The following ANKS1B variants were observed in gnomAD, a reference collection of about 807,000 sequenced individuals.
ANKS1B encodes the protein ankyrin repeat and sterile alpha motif domain containing 1B.
In ANKS1B, 36 loss-of-function variants were observed where a neutral mutation model predicts 148.3. The ratio of observed to expected loss-of-function variants is 0.24; its 90% CI spans 0.19 to 0.32. The LOEUF (loss-of-function observed/expected upper bound fraction) is 0.32. Ranked by LOEUF, ANKS1B falls within the 10% of genes least tolerant of loss-of-function variation. The pLI is 1.00. For synonymous variants in ANKS1B, 542 were observed against 560.8 expected (o/e 0.97, Z 0.47); for missense variants, 1,157 against 1,542.6 (o/e 0.75, Z 4.19).
chr12:99,178,648 T>C (rs1224039349), intron 14 of ANKS1B, among the ~76,000 whole-genome samples: 1 of 152,252 alleles, frequency 6.6e-6, no homozygotes, highest in Non-Finnish European at 1.5e-5. Flanking sequence ...TTCCCTATTG[T>C]TATTATATTT....
At chr12:99,709,556 A>G (rs926436936) in intron 8 of ANKS1B, among the ~76,000 whole-genome samples, 1 of 152,158 alleles carries the variant, frequency 6.6e-6, no homozygotes, top group African/African-American at 2.4e-5. Flanking sequence ...AGAGAGGATT[A>G]GGTAACTTTT....
At chr12:99,703,937 A>C (rs1049676802) in intron 8 of ANKS1B, among the ~76,000 whole-genome samples, 1 of 152,124 alleles carries the variant, frequency 6.6e-6, no homozygotes, top group Non-Finnish European at 1.5e-5. Flanking sequence ...TCTCTGAATA[A>C]TAGCCAGTAT....
intron 17 of ANKS1B, chr12:98,894,542 C>T (rs940257521): frequency 1.0e-6 from 1 of 981,970 alleles, no homozygotes; most frequent in Non-Finnish European, 1.2e-6. Context: ...CTTCCTCCGC[C>T]TCTGCCCCGG....
intron 9 of ANKS1B, among the ~76,000 whole-genome samples, chr12:99,519,798 TCTTC>T (rs1484074281): frequency 5.9e-5 from 9 of 152,184 alleles, no homozygotes; most frequent in African/African-American, 1.7e-4. Flanking sequence ...TGATTTAATT[TCTTC>T]CTTTTTATTT....
At chr12:98,769,665 T>G (rs1234828599) in intron 25 of ANKS1B, among the ~76,000 whole-genome samples, 2 of 152,180 alleles carry the variant, frequency 1.3e-5, no homozygotes, top group Non-Finnish European at 2.9e-5. Context: ...CACACACGTA[T>G]AGCTAATAAA....
At chr12:99,417,557 T>A (rs977002263) in intron 11 of ANKS1B, among the ~76,000 whole-genome samples, 1 of 152,176 alleles carries the variant, frequency 6.6e-6, no homozygotes, top group Non-Finnish European at 1.5e-5. Context: ...TATGCAAATA[T>A]TAGAATAATC....
At chr12:99,115,019 C>T (rs140038819) in intron 15 of ANKS1B, among the ~76,000 whole-genome samples, 21 of 152,258 alleles carry the variant, frequency 1.4e-4, no homozygotes, top group African/African-American at 2.6e-4. Context: ...CACTTACACA[C>T]GATGGGATCA....
At chr12:99,664,766 C>T (rs2098497580) in intron 8 of ANKS1B, among the ~76,000 whole-genome samples, 1 of 152,188 alleles carries the variant, frequency 6.6e-6, no homozygotes, top group South Asian at 2.1e-4. Flanking sequence ...GTAGCATATA[C>T]ACTTTATGTT....
intron 12 of ANKS1B, among the ~76,000 whole-genome samples, chr12:99,282,555 C>T (rs1367079182): frequency 6.6e-6 from 1 of 152,070 alleles, no homozygotes; most frequent in Non-Finnish European, 1.5e-5. Flanking sequence ...GCTATTATTC[C>T]CCTAATCCAG....
At chr12:98,907,724 G>T (rs1038751383) in intron 17 of ANKS1B, among the ~76,000 whole-genome samples, 3 of 152,274 alleles carry the variant, frequency 2.0e-5, no homozygotes, top group African/African-American at 7.2e-5. Flanking sequence ...TTGAATTGTA[G>T]CTCCCATAAT....
At chr12:98,864,074 G>A (rs1010680534) in intron 17 of ANKS1B, among the ~76,000 whole-genome samples, 3 of 151,678 alleles carry the variant, frequency 2.0e-5, no homozygotes, top group Admixed American at 6.6e-5. Context: ...CTTGAAGGAA[G>A]GAACTATCTA....
At chr12:99,099,713 C>T (rs1358600837) in intron 15 of ANKS1B, 3 of 152,130 alleles carry the variant, frequency 2.0e-5, no homozygotes, top group Non-Finnish European at 4.4e-5. Context: ...ATATTTTCAT[C>T]TAAAAGTAAC....
chr12:99,149,317 T>C (rs1039021243), intron 15 of ANKS1B, among the ~76,000 whole-genome samples: 4 of 152,230 alleles, frequency 2.6e-5, no homozygotes, highest in Admixed American at 2.0e-4. Flanking sequence ...AGCTCTATCA[T>C]GCGCAAATGT....
chr12:99,797,494 C>A lies in ANKS1B; in HGVS notation c.669+8910G>T, dbSNP rs144297977. The stretch of plus-strand genomic sequence containing the variant: ...CAAAGGCTCCCATCCCTGGAGATTT[C>A]AGTCCTGCTTTTCTTATGGATCAAA... On this transcript the variant is annotated intron_variant, in intron 4 of 26. Coordinates refer to ENST00000683438, the MANE Select transcript of ANKS1B (RefSeq NM_001352186.2). 2.0e-5 allele frequency among the ~76,000 whole-genome samples: 3 copies of A among 151,968 alleles called. No individual in the cohort carries two copies. The East Asian group carries it at 5.8e-4, about 29-fold the overall frequency.
chr12:98,800,987 G>C lies in ANKS1B; in HGVS notation c.3270+10C>G. 1 of 1,609,534 alleles carries C rather than the reference G, an allele frequency of 6.2e-7. No individual in the cohort carries two copies. Among genetic ancestry groups the C allele is most frequent in the Non-Finnish European group, 8.5e-7 (1 of 1,177,572 alleles). ...ACTTAGGCCCAAATACTGAATTGAGGGTAACTTACAAAAGCTTTGTAATCA... is the reference window on the plus strand; with the variant it reads ...ACTTAGGCCCAAATACTGAATTGAGCGTAACTTACAAAAGCTTTGTAATCA... On this transcript the variant is annotated intron_variant, in intron 21 of 26. Coordinates refer to ENST00000683438, the MANE Select transcript of ANKS1B (RefSeq NM_001352186.2).
chr12:99,964,583 C>T (rs1311159255), intron 1 of ANKS1B, among the ~76,000 whole-genome samples: 5 of 152,144 alleles, frequency 3.3e-5, no homozygotes, highest in Non-Finnish European at 7.3e-5. Context: ...GAGGGCATCC[C>T]TTCTGGCATG....
At chr12:99,721,783 T>C (rs1462615613) in intron 8 of ANKS1B, among the ~76,000 whole-genome samples, 1 of 152,216 alleles carries the variant, frequency 6.6e-6, no homozygotes, top group Non-Finnish European at 1.5e-5. Flanking sequence ...GGCTAAAACC[T>C]AGGCCTCATG....
At chr12:99,488,032 A>G (rs1268781495) in intron 10 of ANKS1B, among the ~76,000 whole-genome samples, 3 of 152,020 alleles carry the variant, frequency 2.0e-5, no homozygotes, top group East Asian at 1.9e-4. Flanking sequence ...TACGGCTATG[A>G]TATCTTCTTG....
chr12:99,538,721 G>C (rs1488890471), intron 9 of ANKS1B, among the ~76,000 whole-genome samples: 1 of 152,050 alleles, frequency 6.6e-6, no homozygotes, highest in Non-Finnish European at 1.5e-5. Flanking sequence ...CAATATGGAG[G>C]CCCTTTATAT....
Sources: allele counts gnomAD v4.1 joint callset (sites outside exome capture counted in the v4.1 genomes callset), GRCh38; gene constraint gnomAD v4.1.1; transcripts MANE v1.5; gene names NCBI Gene and HGNC (gene_info 2026-07-23, HGNC 2026-07-21).